The following UNC13B variants were observed in gnomAD, a reference collection of about 807,000 sequenced individuals.
UNC13B encodes the protein protein unc-13 homolog B.
In UNC13B, 144 loss-of-function variants were observed where a neutral mutation model predicts 211.0. That is an observed-to-expected ratio of 0.68 (90% CI 0.60 to 0.78). The LOEUF (loss-of-function observed/expected upper bound fraction) is 0.78, where lower values mean the gene tolerates loss of function less well. Among genes scored for constraint, UNC13B ranks in the 30% least tolerant of loss-of-function variants. UNC13B has a pLI of 0.00. For missense variants in UNC13B, 1,777 were observed against 2,002.0 expected (o/e 0.89, Z 2.14); for synonymous variants, 709 against 725.8 (o/e 0.98, Z 0.37).
At chr9:35,233,212 C>T (rs1288043412) in intron 3 of UNC13B, among the ~76,000 whole-genome samples, 1 of 152,182 alleles carries the variant, frequency 6.6e-6, no homozygotes, top group East Asian at 1.9e-4. Flanking sequence ...AAACCTAGCA[C>T]TTCCAGTTGG....
chr9:35,289,478 A>C (rs1288383091), intron 7 of UNC13B, among the ~76,000 whole-genome samples: 1 of 152,214 alleles, frequency 6.6e-6, no homozygotes, highest in African/African-American at 2.4e-5. Context: ...TGACAAAATA[A>C]CAACAAATGC....
At chr9:35,243,154 A>G in intron 5 of UNC13B, 137 bp from the exon 6 acceptor site, 1 of 766,908 alleles carries the variant, frequency 1.3e-6, no homozygotes, top group Non-Finnish European at 2.2e-6. Context: ...CATGACAAGA[A>G]CCAAACCATC....
chr9:35,243,140 T>C (rs1825896561), intron 5 of UNC13B, 151 bp from the exon 6 acceptor site: 2 of 677,358 alleles, frequency 3.0e-6, no homozygotes, highest in East Asian at 2.6e-5. Context: ...GTAAAGATAA[T>C]GTTCATGACA....
At chr9:35,324,504 T>A (rs1157820784) in intron 11 of UNC13B, among the ~76,000 whole-genome samples, 1 of 152,214 alleles carries the variant, frequency 6.6e-6, no homozygotes, top group African/African-American at 2.4e-5. Context: ...GGAATATACT[T>A]GAGAAAAGTC....
intron 11 of UNC13B, among the ~76,000 whole-genome samples, chr9:35,344,766 G>A (rs1027854853): frequency 2.0e-5 from 3 of 152,102 alleles, no homozygotes; most frequent in African/African-American, 7.2e-5. Context: ...GCACTATGAT[G>A]GTAAGACTAC....
intron 7 of UNC13B, among the ~76,000 whole-genome samples, chr9:35,273,125 A>G (rs1827986453): frequency 6.6e-6 from 1 of 152,174 alleles, no homozygotes; most frequent in Non-Finnish European, 1.5e-5. Flanking sequence ...AACCCAACAT[A>G]TTGTTTAAAA....
chr9:35,366,027 C>T (rs956509138), intron 11 of UNC13B, among the ~76,000 whole-genome samples: 14 of 152,176 alleles, frequency 9.2e-5, no homozygotes, highest in South Asian at 6.2e-4. Context: ...ACTCACTGTT[C>T]AAAGCTAAGC....
chr9:35,255,009 AT>A (rs1358780874), intron 6 of UNC13B, among the ~76,000 whole-genome samples: 13 of 111,772 alleles, frequency 1.2e-4, no homozygotes, highest in Admixed American at 2.3e-4. Flanking sequence ...TATATTATAT[AT>A]TAATATATGT....
intron 10 of UNC13B, 26 bp from the exon 11 acceptor site, chr9:35,313,873 G>T: frequency 6.3e-7 from 1 of 1,589,864 alleles, no homozygotes; most frequent in South Asian, 1.1e-5. Context: ...CTATTTTTAA[G>T]AAATGTACTT....
intron 8 of UNC13B, among the ~76,000 whole-genome samples, chr9:35,296,552 A>G (rs533707027): frequency 6.6e-6 from 1 of 152,272 alleles, no homozygotes; most frequent in African/African-American, 2.4e-5. Context: ...GTTGTCATAT[A>G]TTTATGAGTA....
chr9:35,346,160 G>T (rs914322041), intron 11 of UNC13B, among the ~76,000 whole-genome samples: 7 of 152,074 alleles, frequency 4.6e-5, no homozygotes, highest in Non-Finnish European at 8.8e-5. Flanking sequence ...ATTCCTCTTA[G>T]CCCATATTAG....
chr9:35,206,018 T>TA (rs914992296), intron 1 of UNC13B, among the ~76,000 whole-genome samples: 3 of 151,652 alleles, frequency 2.0e-5, no homozygotes, highest in African/African-American at 4.8e-5. Flanking sequence ...ACCCCATCTC[T>TA]AAAAAAAATG....
At chr9:35,212,453 G>C (rs1409992734) in intron 1 of UNC13B, among the ~76,000 whole-genome samples, 5 of 152,130 alleles carry the variant, frequency 3.3e-5, no homozygotes, top group African/African-American at 1.2e-4. Flanking sequence ...TGTGCCTGTA[G>C]TCCCAGCCAC....
At chr9:35,203,961 C>CGAG (rs1437511600) in intron 1 of UNC13B, among the ~76,000 whole-genome samples, 8 of 152,234 alleles carry the variant, frequency 5.3e-5, no homozygotes, top group African/African-American at 1.9e-4. Context: ...GGCAGCCTCT[C>CGAG]CCATCACAGG....
Position 35,194,746 on chromosome 9 carries a change from C to T in UNC13B, c.22+32441C>T, listed in dbSNP as rs988702272. Among the ~76,000 whole-genome samples the T allele has an allele frequency of 6.6e-5, 10 of 152,164 alleles. No individual in the cohort carries two copies. The East Asian group carries it at 1.3e-3, about 21-fold the overall frequency. Reference sequence around the variant, plus strand: ...TTGATGAGCGTTGTACCTTGGTATCCTGAGTGAGCACCCTGACATGATTGG... The same window carrying T: ...TTGATGAGCGTTGTACCTTGGTATCTTGAGTGAGCACCCTGACATGATTGG... On this transcript the variant is annotated intron_variant, in intron 1 of 39. Coordinates refer to ENST00000635942, the MANE Select transcript of UNC13B (RefSeq NM_001371189.2).
intron 11 of UNC13B, among the ~76,000 whole-genome samples, chr9:35,324,586 A>C (rs1424218157): frequency 6.6e-6 from 1 of 152,194 alleles, no homozygotes; most frequent in Admixed American, 6.5e-5. Flanking sequence ...CCTAACTGAT[A>C]ACTTAGTGGT....
intron 1 of UNC13B, among the ~76,000 whole-genome samples, chr9:35,191,257 T>C (rs2131341671): frequency 6.6e-6 from 1 of 152,216 alleles, no homozygotes; most frequent in East Asian, 1.9e-4. Context: ...CTGCCAGGTA[T>C]CAGGTATTTT....
intron 11 of UNC13B, among the ~76,000 whole-genome samples, chr9:35,316,922 A>G (rs1227551152): frequency 1.3e-5 from 2 of 152,314 alleles, no homozygotes; most frequent in East Asian, 3.9e-4. Flanking sequence ...TAGGCACATT[A>G]TATCACATTG....
intron 11 of UNC13B, chr9:35,351,239 C>G: frequency 9.4e-7 from 1 of 1,062,260 alleles, no homozygotes; most frequent in Non-Finnish European, 1.2e-6. Flanking sequence ...TTGATTCAAA[C>G]TAAAATCATC....
Sources: gnomAD v4.1 joint callset for allele counts (sites outside exome capture counted in the v4.1 genomes callset) on GRCh38, gnomAD v4.1.1 for gene constraint, MANE v1.5 for transcripts, NCBI Gene and HGNC (gene_info 2026-07-23, HGNC 2026-07-21) for gene names.